Variants in KIRREL3 observed in about 807,000 individuals in gnomAD.
The protein encoded by KIRREL3 is kirre like nephrin family adhesion molecule 3, also known as kin of IRRE-like protein 3.
KIRREL3 carries 36 observed loss-of-function variants against 89.7 expected under a neutral mutation model. The observed-to-expected ratio is 0.40, with a 90% CI of 0.31 to 0.53. The LOEUF (loss-of-function observed/expected upper bound fraction) is 0.53. Among genes scored for constraint, KIRREL3 ranks in the 20% least tolerant of loss-of-function variants. The pLI is 0.49. For synonymous variants in KIRREL3, 445 were observed against 441.4 expected, an observed-to-expected ratio of 1.01 and a Z score of -0.10; for missense variants, 864 against 1,056.6, an observed-to-expected ratio of 0.82 and a Z score of 2.53.
intron 1 of KIRREL3, among the ~76,000 whole-genome samples, chr11:126,673,237 C>A (rs777380589): frequency 1.3e-5 from 2 of 152,200 alleles, no homozygotes; most frequent in Non-Finnish European, 2.9e-5. Flanking sequence ...ACACTTGGCT[C>A]GAAAGAGCGG....
At position 126,830,061 on chromosome 11, in the gene KIRREL3, T is replaced by C. The variant is rs1943556407; in HGVS notation, c.55+170394A>G. 6.6e-6 allele frequency among the ~76,000 whole-genome samples: 1 copy of C among 152,194 alleles called. No homozygotes were observed. ...AATAAATCCAAGAGTATGGCATTAA[T>C]AGCCATGTTATGATCTTAAACCTTT... On this transcript the variant is annotated intron_variant, in intron 1 of 16. Transcript: ENST00000525144. The surrounding 1 kb of genome is among the most constrained non-coding windows in gnomAD (Gnocchi z 4.9).
In KIRREL3 at chr11:126,970,127, C is replaced by T. The variant is rs2135210528; in HGVS notation, c.55+30328G>A. Among the ~76,000 whole-genome samples, 2 of 152,316 alleles carry T rather than the reference C, an allele frequency of 1.3e-5. No individual in the cohort carries two copies. The highest frequency in any genetic ancestry group is 2.9e-5 in the Non-Finnish European group (2 of 68,032). ...GCAGCCTCTCTACCACTGCCCCTGC[C>T]CCCTCAGGGATATATCATGCATTTG... On this transcript the variant is annotated intron_variant, in intron 1 of 16. Transcript: ENST00000525144. The surrounding 1 kb of genome is among the most constrained non-coding windows in gnomAD (Gnocchi z 4.4).
Position 126,976,403 on chromosome 11 carries a change from A to G in KIRREL3, c.55+24052T>C, listed in dbSNP as rs1414168107. Among the ~76,000 whole-genome samples, 1 of 152,052 alleles carries G rather than the reference A, an allele frequency of 6.6e-6. No homozygotes were observed. The highest frequency in any genetic ancestry group is 2.4e-5 in the African/African-American group (1 of 41,404). ...TGAGTGTTTATGAACCGTTACATTA[A>G]TCTCCTGCAGATTTTTTTCTGGAGA... On this transcript the variant is annotated intron_variant, in intron 1 of 16. Coordinates refer to ENST00000525144, the MANE Select transcript of KIRREL3 (RefSeq NM_032531.4). This position sits in a 1 kb window ranked among gnomAD's most constrained non-coding sequence, Gnocchi z 4.2.
At chr11:126,502,657 T>C (rs1020823876) in intron 4 of KIRREL3, among the ~76,000 whole-genome samples, 32 of 152,234 alleles carry the variant, frequency 2.1e-4, no homozygotes, top group African/African-American at 7.5e-4. Flanking sequence ...AATTGTGGAC[T>C]TAAAAGCCCC....
intron 1 of KIRREL3, among the ~76,000 whole-genome samples, chr11:126,793,854 A>G (rs1461589644): frequency 6.6e-6 from 1 of 152,152 alleles, no homozygotes; most frequent in Non-Finnish European, 1.5e-5. Flanking sequence ...CTGTGAATAA[A>G]TTTGCAATCC....
rs1948892421 is a variant in KIRREL3, at chr11:126,955,403, A to G, written c.55+45052T>C. ...GAGGTTGGAGAGCATTAACAGATTT[A>G]CTCACCCAAGCCAAGGAAAGTGCTT... On this transcript the variant is annotated intron_variant, in intron 1 of 16. Coordinates refer to ENST00000525144, the MANE Select transcript of KIRREL3 (RefSeq NM_032531.4). This position sits in a 1 kb window ranked among gnomAD's most constrained non-coding sequence, Gnocchi z 4.6. 6.6e-6 allele frequency among the ~76,000 whole-genome samples: 1 copy of G among 151,976 alleles called. No individual in the cohort carries two copies. Among genetic ancestry groups the G allele is most frequent in the Non-Finnish European group, 1.5e-5 (1 of 67,982 alleles).
chr11:126,832,774 A>G (rs748117428), intron 1 of KIRREL3, among the ~76,000 whole-genome samples: 6 of 152,198 alleles, frequency 3.9e-5, no homozygotes, highest in African/African-American at 1.4e-4. Flanking sequence ...GGAGAAATAG[A>G]AAACCTACTC....
rs575776196 is a variant in KIRREL3 at position 126,491,382 on chromosome 11, G to A, written c.434-17916C>T. ...GGGTGGGGACACTTGCTCTCAGGGG[G>A]AAAGAAAGCGCCCTCTCTTCCTGCA... On this transcript the variant is annotated intron_variant, in intron 4 of 16. Coordinates refer to ENST00000525144, the MANE Select transcript of KIRREL3 (RefSeq NM_032531.4). The surrounding 1 kb of genome is among the most constrained non-coding windows in gnomAD (Gnocchi z 5.5). Among the ~76,000 whole-genome samples the A allele has an allele frequency of 6.6e-5, 10 of 152,312 alleles. No homozygotes were observed. The East Asian group carries it at 1.7e-3, about 27-fold the overall frequency.
chr11:126,433,595 G>A (rs895144776), intron 13 of KIRREL3, among the ~76,000 whole-genome samples: 3 of 152,210 alleles, frequency 2.0e-5, no homozygotes, highest in Non-Finnish European at 4.4e-5. Context: ...CTTAGGGATT[G>A]AAACGGGAGG....
intron 1 of KIRREL3, among the ~76,000 whole-genome samples, chr11:126,770,553 A>C (rs1949988422): frequency 1.3e-5 from 2 of 152,218 alleles, no homozygotes; most frequent in South Asian, 4.1e-4. Context: ...CGGAAGGCGA[A>C]GCACATCGTG....
Position 126,640,031 on chromosome 11 carries a change from T to C in KIRREL3, c.56-77119A>G, listed in dbSNP as rs970131098. On this transcript the variant is annotated intron_variant, in intron 1 of 16. Coordinates refer to ENST00000525144, the MANE Select transcript of KIRREL3 (RefSeq NM_032531.4). The surrounding 1 kb of genome is among the most constrained non-coding windows in gnomAD (Gnocchi z 4.9). Reference sequence around the variant, plus strand: ...TGAATACTAAATAACTTCATTACGATCAGTACTGTGACAATGAATATGAAA... The same window carrying C: ...TGAATACTAAATAACTTCATTACGACCAGTACTGTGACAATGAATATGAAA... Among the ~76,000 whole-genome samples, 1 of 152,166 alleles carries C rather than the reference T, an allele frequency of 6.6e-6. No individual in the cohort carries two copies. The highest frequency in any genetic ancestry group is 6.5e-5 in the Admixed American group (1 of 15,282).
At chr11:126,626,815 G>A (rs554111053) in intron 1 of KIRREL3, among the ~76,000 whole-genome samples, 8 of 152,228 alleles carry the variant, frequency 5.3e-5, no homozygotes, top group African/African-American at 1.7e-4. Context: ...CCAACATGGC[G>A]AAACCCCATG....
chr11:126,573,347 C>A (rs897056523), intron 1 of KIRREL3, among the ~76,000 whole-genome samples: 4 of 152,192 alleles, frequency 2.6e-5, no homozygotes, highest in Admixed American at 2.6e-4. Context: ...GGACTGTCCT[C>A]TAGGGCATTG....
intron 4 of KIRREL3, among the ~76,000 whole-genome samples, chr11:126,481,562 C>T (rs564665958): frequency 6.6e-6 from 1 of 152,340 alleles, no homozygotes; most frequent in South Asian, 2.1e-4. Flanking sequence ...AGAATGGCCC[C>T]ACTGTTTGGG....
chr11:126,486,255 G>A lies in KIRREL3; in HGVS notation c.434-12789C>T, dbSNP rs553462925. Among the ~76,000 whole-genome samples the A allele has an allele frequency of 6.6e-5, 10 of 152,268 alleles. No individual in the cohort carries two copies. The highest frequency in any genetic ancestry group is 2.4e-4 in the African/African-American group (10 of 41,552). On this transcript the variant is annotated intron_variant, in intron 4 of 16. Transcript: ENST00000525144. The surrounding 1 kb of genome is among the most constrained non-coding windows in gnomAD (Gnocchi z 6.2). Reference sequence around the variant, plus strand: ...CGCCGTCTGCACAGCAAGGGTGAGAGGGCTTGGGAGAGGCCAGCAGAGAAG... The same window carrying A: ...CGCCGTCTGCACAGCAAGGGTGAGAAGGCTTGGGAGAGGCCAGCAGAGAAG...
At chr11:126,982,996 T>C (rs1949759663) in intron 1 of KIRREL3, among the ~76,000 whole-genome samples, 1 of 152,230 alleles carries the variant, frequency 6.6e-6, no homozygotes, top group Non-Finnish European at 1.5e-5. Flanking sequence ...CTCTCCCCCA[T>C]GGGACCCAAT....
intron 1 of KIRREL3, among the ~76,000 whole-genome samples, chr11:126,787,872 C>T (rs1205727876): frequency 6.6e-6 from 1 of 152,214 alleles, no homozygotes; most frequent in South Asian, 2.1e-4. Context: ...CATATCTGCT[C>T]TTCACCCTGC....
At chr11:126,673,120 G>T (rs1946033400) in intron 1 of KIRREL3, among the ~76,000 whole-genome samples, 1 of 152,220 alleles carries the variant, frequency 6.6e-6, no homozygotes, top group South Asian at 2.1e-4. Context: ...GAAAAGCAGA[G>T]CTGGGTGTTG....
In KIRREL3 at chr11:126,435,368, G is replaced by A. The variant is rs959705311; in HGVS notation, c.1553-65C>T. On this transcript the variant is annotated intron_variant, in intron 12 of 16. Transcript: ENST00000525144. ...GCTGGCCAGGGTGGGGTGGGACTGGGAATTAGCTGCTTGAGCGGGGCTGGG... is the reference window on the plus strand; with the variant it reads ...GCTGGCCAGGGTGGGGTGGGACTGGAAATTAGCTGCTTGAGCGGGGCTGGG... 5.2e-6 allele frequency: 8 copies of A among 1,529,476 alleles called. No individual in the cohort carries two copies. In the African/African-American group the frequency reaches 9.6e-5, roughly 18 times the overall value. 94.7% of individuals were successfully genotyped at this position (1,529,476 alleles called of 1,614,324 possible).
Sources: gnomAD v4.1 joint callset for allele counts (sites outside exome capture counted in the v4.1 genomes callset) on GRCh38, gnomAD v4.1.1 for gene constraint, Gnocchi (gnomAD v3.1) non-coding constraint, MANE v1.5 for transcripts, NCBI Gene and HGNC (gene_info 2026-07-23, HGNC 2026-07-21) for gene names.